The following FYN variants were observed in gnomAD, a reference collection of about 807,000 sequenced individuals.
FYN encodes the protein tyrosine-protein kinase Fyn.
Under a neutral mutation model 70.2 loss-of-function variants are expected in FYN, and 10 were observed. The observed-to-expected ratio is 0.14, with a 90% CI of 0.09 to 0.24. The LOEUF (loss-of-function observed/expected upper bound fraction) is 0.24. Among genes scored for constraint, FYN ranks in the 10% least tolerant of loss-of-function variants. The probability of loss-of-function intolerance (pLI) is 1.00; values close to 1 mark genes in which losing one functional copy is unlikely to be tolerated. For missense variants in FYN, 319 were observed against 673.1 expected, an observed-to-expected ratio of 0.47 and a Z score of 5.82; for synonymous variants, 236 against 248.6, an observed-to-expected ratio of 0.95 and a Z score of 0.48.
chr6:111,785,652 AT>A (rs956633494), intron 2 of FYN, among the ~76,000 whole-genome samples: 1 of 151,622 alleles, frequency 6.6e-6, no homozygotes. Flanking sequence ...AAAGACAGGA[AT>A]TTTTTTTCTT....
At chr6:111,713,449 T>A (rs1471453824) in intron 5 of FYN, among the ~76,000 whole-genome samples, 1 of 152,142 alleles carries the variant, frequency 6.6e-6, no homozygotes, top group Non-Finnish European at 1.5e-5. Flanking sequence ...AACTTCCTGG[T>A]GTGCCCCTCA....
intron 2 of FYN, among the ~76,000 whole-genome samples, chr6:111,801,170 C>T (rs1327200): frequency 0.3 from 45,194 of 152,100 alleles, 8,167 homozygotes; most frequent in East Asian, 0.57. Flanking sequence ...GCACCGCTGG[C>T]GATGCTGCAG....
At chr6:111,700,818 A>C (rs187802308) in intron 8 of FYN, among the ~76,000 whole-genome samples, 119 of 152,284 alleles carry the variant, frequency 7.8e-4, no homozygotes, top group African/African-American at 2.7e-3. Flanking sequence ...ACTTTAGTGG[A>C]GGATCCTTCT....
intron 2 of FYN, among the ~76,000 whole-genome samples, chr6:111,796,115 T>C (rs917133893): frequency 1.3e-5 from 2 of 152,190 alleles, no homozygotes; most frequent in African/African-American, 4.8e-5. Context: ...TTGGCCAAGA[T>C]GACAAAGCTG....
At chr6:111,831,077 C>A (rs996081115) in intron 2 of FYN, among the ~76,000 whole-genome samples, 2 of 151,958 alleles carry the variant, frequency 1.3e-5, no homozygotes, top group Non-Finnish European at 2.9e-5. Context: ...TATCAGTGTG[C>A]GTATACATGT....
chr6:111,749,982 T>C (rs1301240861), intron 3 of FYN, among the ~76,000 whole-genome samples: 1 of 152,102 alleles, frequency 6.6e-6, no homozygotes, highest in Non-Finnish European at 1.5e-5. Context: ...CTGTAGAATT[T>C]CCCTGTTACA....
chr6:111,840,194 A>T (rs1293841317), intron 2 of FYN, among the ~76,000 whole-genome samples: 1 of 152,232 alleles, frequency 6.6e-6, no homozygotes, highest in Non-Finnish European at 1.5e-5. Context: ...TGTTAGGCAG[A>T]AAATGCCCCC....
chr6:111,820,864 G>C (rs1199096779), intron 2 of FYN, among the ~76,000 whole-genome samples: 11 of 152,008 alleles, frequency 7.2e-5, no homozygotes, highest in African/African-American at 2.7e-4. Flanking sequence ...TGCAGACCAG[G>C]GTCAGTAGCA....
At chr6:111,824,000 TA>T (rs1226750842) in intron 2 of FYN, among the ~76,000 whole-genome samples, 3 of 152,190 alleles carry the variant, frequency 2.0e-5, no homozygotes, top group African/African-American at 7.2e-5. Context: ...AAGGAGTACA[TA>T]AAGTCATCAG....
intron 3 of FYN, among the ~76,000 whole-genome samples, chr6:111,769,916 C>A (rs1803382240): frequency 6.6e-6 from 1 of 152,028 alleles, no homozygotes; most frequent in Non-Finnish European, 1.5e-5. Flanking sequence ...CAGTTATGAC[C>A]AAACCAAGCA....
chr6:111,671,439 C>A (rs1332134415), intron 13 of FYN, among the ~76,000 whole-genome samples: 2 of 152,206 alleles, frequency 1.3e-5, no homozygotes, highest in African/African-American at 4.8e-5. Context: ...GCACCTCCAT[C>A]TTCACCTACC....
intron 2 of FYN, among the ~76,000 whole-genome samples, chr6:111,786,030 T>C (rs941391033): frequency 2.6e-5 from 4 of 151,652 alleles, no homozygotes; most frequent in Non-Finnish European, 5.9e-5. Flanking sequence ...TAGTATTCCA[T>C]AGTGTATACG....
intron 3 of FYN, among the ~76,000 whole-genome samples, chr6:111,771,001 T>C (rs1229550672): frequency 6.6e-6 from 1 of 152,104 alleles, no homozygotes; most frequent in Non-Finnish European, 1.5e-5. Context: ...GCGGTTAAAG[T>C]GTAAAATGAG....
chr6:111,820,555 G>A (rs1472833419), intron 2 of FYN, among the ~76,000 whole-genome samples: 2 of 151,994 alleles, frequency 1.3e-5, no homozygotes, highest in Non-Finnish European at 2.9e-5. Context: ...GGATATTTAC[G>A]TTTGAATTTA....
intron 13 of FYN, 94 bp from the exon 14 acceptor site, chr6:111,662,041 A>T (rs1797758440): frequency 9.4e-7 from 1 of 1,060,634 alleles, no homozygotes; most frequent in Non-Finnish European, 1.4e-6. Flanking sequence ...TTGCGTCTGC[A>T]TGTGGCTAAA....
chr6:111,693,343 G>A (rs190669326), intron 12 of FYN, among the ~76,000 whole-genome samples: 3 of 152,218 alleles, frequency 2.0e-5, no homozygotes, highest in East Asian at 1.9e-4. Context: ...CTTTGCTTGG[G>A]ATGACTAGGC....
At chr6:111,819,864 G>C (rs1772603222) in intron 2 of FYN, 1 of 152,010 alleles carries the variant, frequency 6.6e-6, no homozygotes, top group South Asian at 2.1e-4. Context: ...ACTCACCCTT[G>C]GTGTCTCATG....
chr6:111,851,457 C>T (rs1773684348), intron 1 of FYN, among the ~76,000 whole-genome samples: 2 of 152,152 alleles, frequency 1.3e-5, no homozygotes, highest in Non-Finnish European at 2.9e-5. Flanking sequence ...ATTGAGAGCA[C>T]ACAACTTCTG....
At chr6:111,786,291 T>C (rs564553804) in intron 2 of FYN, among the ~76,000 whole-genome samples, 5 of 152,140 alleles carry the variant, frequency 3.3e-5, no homozygotes, top group African/African-American at 1.2e-4. Flanking sequence ...TTCCCACCTA[T>C]GAGTGAGAAC....
Sources: gnomAD v4.1 joint callset for allele counts (sites outside exome capture counted in the v4.1 genomes callset) on GRCh38, gnomAD v4.1.1 for gene constraint, MANE v1.5 for transcripts, NCBI Gene and HGNC (gene_info 2026-07-23, HGNC 2026-07-21) for gene names.